WDPCP: variants seen among roughly 807,000 people sequenced by gnomAD.
WDPCP encodes the protein WD repeat-containing and planar cell polarity effector protein fritz homolog.
Under a neutral mutation model 93.1 loss-of-function variants are expected in WDPCP, and 71 were observed. The observed-to-expected ratio is 0.76, with a 90% CI of 0.63 to 0.93. The LOEUF (loss-of-function observed/expected upper bound fraction) is 0.93, where lower values mean the gene tolerates loss of function less well. Among genes scored for constraint, WDPCP ranks in the 40% least tolerant of loss-of-function variants. WDPCP has a pLI of 0.00. For synonymous variants in WDPCP, 315 were observed against 315.0 expected (o/e 1.00, Z 0.00); for missense variants, 844 against 887.4 (o/e 0.95, Z 0.62).
At chr2:63,731,267 C>CAAAAAAAAAAAAA (rs532671655) in intron 2 of WDPCP, among the ~76,000 whole-genome samples, 1 of 59,858 alleles carries the variant, frequency 1.7e-5, no homozygotes. Flanking sequence ...GAATCCGTCT[C>CAAAAAAAAAAAAA]AAAAAAAAAA....
At chr2:63,828,159 G>C (rs1194478282), upstream of WDPCP, among the ~76,000 whole-genome samples, 1 of 151,430 alleles carries the variant, frequency 6.6e-6, no homozygotes, top group African/African-American at 2.4e-5. Context: ...TTTAGGTGTG[G>C]ATTTACTTTT....
intron 14 of WDPCP, among the ~76,000 whole-genome samples, chr2:63,255,645 C>CAGAT (rs1681070552): frequency 1.3e-5 from 2 of 152,138 alleles, no homozygotes; most frequent in Non-Finnish European, 2.9e-5. Context: ...TCACCAGGTA[C>CAGAT]AGATGCCAGC....
intron 1 of WDPCP, among the ~76,000 whole-genome samples, chr2:63,502,951 T>C (rs1427722225): frequency 6.6e-6 from 1 of 152,216 alleles, no homozygotes; most frequent in Non-Finnish European, 1.5e-5. Context: ...CAGATTTCTA[T>C]GTTCCAAGAT....
intron 10 of WDPCP, among the ~76,000 whole-genome samples, chr2:63,400,497 A>G (rs1430278232): frequency 6.6e-6 from 1 of 152,238 alleles, no homozygotes; most frequent in African/African-American, 2.4e-5. Context: ...AAGGTCTAAT[A>G]TCCAGCATCT....
At chr2:63,278,353 C>G (rs898641856) in intron 13 of WDPCP, among the ~76,000 whole-genome samples, 22 of 152,046 alleles carry the variant, frequency 1.4e-4, no homozygotes, top group African/African-American at 4.3e-4. Flanking sequence ...CCTCATGGAA[C>G]TGGACAAAGA....
chr2:63,487,247 C>A (rs1700625433), intron 3 of WDPCP, among the ~76,000 whole-genome samples, 200 bp downstream of exon 3: 1 of 151,968 alleles, frequency 6.6e-6, no homozygotes, highest in Non-Finnish European at 1.5e-5. Flanking sequence ...TGTCTTTCTA[C>A]AGCATTTTCT....
chr2:63,731,193 C>T (rs762366679), intron 2 of WDPCP, among the ~76,000 whole-genome samples: 5 of 149,286 alleles, frequency 3.3e-5, no homozygotes, highest in Non-Finnish European at 5.9e-5. Flanking sequence ...CACTTGAATC[C>T]GGGAGGCGGA....
chr2:63,279,981 A>C (rs140846692), intron 13 of WDPCP, among the ~76,000 whole-genome samples: 1 of 152,244 alleles, frequency 6.6e-6, no homozygotes, highest in African/African-American at 2.4e-5. Context: ...AATAATAGAC[A>C]ACACAAATAA....
chr2:63,639,189 T>C (rs1445712124), intron 3 of WDPCP, among the ~76,000 whole-genome samples: 1 of 152,142 alleles, frequency 6.6e-6, no homozygotes, highest in Non-Finnish European at 1.5e-5. Flanking sequence ...GTGAGCCAAG[T>C]TGCACCACTG....
intron 13 of WDPCP, among the ~76,000 whole-genome samples, chr2:63,273,360 C>T (rs769282642): frequency 1.3e-5 from 2 of 151,444 alleles, no homozygotes; most frequent in African/African-American, 2.4e-5. Flanking sequence ...AATGTTACTA[C>T]TACAGAATCC....
At chr2:63,167,394 T>C (rs1056319122) in intron 15 of WDPCP, among the ~76,000 whole-genome samples, 5 of 152,286 alleles carry the variant, frequency 3.3e-5, no homozygotes, top group African/African-American at 1.2e-4. Context: ...TTTTTTTTTC[T>C]GGTAAAAGTG....
intron 3 of WDPCP, among the ~76,000 whole-genome samples, chr2:63,626,551 T>C (rs550564436): frequency 2.0e-5 from 3 of 152,342 alleles, no homozygotes; most frequent in South Asian, 4.1e-4. Flanking sequence ...AAGACATTTA[T>C]GCAGCCAATA....
chr2:63,643,851 T>A, intron 3 of WDPCP: 1 of 541,462 alleles, frequency 1.8e-6, no homozygotes, highest in Non-Finnish European at 3.7e-6. Flanking sequence ...AACCACTGCA[T>A]GCAAATCTTC....
At chr2:63,544,893 G>A (rs1296005427) in intron 1 of WDPCP, among the ~76,000 whole-genome samples, 11 of 151,990 alleles carry the variant, frequency 7.2e-5, no homozygotes, top group Admixed American at 7.2e-4. Context: ...ATTTAATAAT[G>A]TACCTGATTA....
intron 13 of WDPCP, among the ~76,000 whole-genome samples, chr2:63,294,768 A>G (rs1259055225): frequency 6.6e-6 from 1 of 152,160 alleles, no homozygotes; most frequent in Non-Finnish European, 1.5e-5. Flanking sequence ...ACTACCAGGT[A>G]TATTATAAAA....
chr2:63,557,887 T>C (rs909459943), intron 1 of WDPCP, among the ~76,000 whole-genome samples: 1 of 152,134 alleles, frequency 6.6e-6, no homozygotes, highest in Non-Finnish European at 1.5e-5. Flanking sequence ...AACCTCCTCC[T>C]GAATGACTCC....
At chr2:63,408,086 G>A (rs1318555987) in intron 9 of WDPCP, among the ~76,000 whole-genome samples, 2 of 152,184 alleles carry the variant, frequency 1.3e-5, no homozygotes, top group Non-Finnish European at 2.9e-5. Flanking sequence ...GGAGGTGGAT[G>A]GGAGGCAGAT....
intron 1 of WDPCP, among the ~76,000 whole-genome samples, chr2:63,575,405 A>G (rs1158471988): frequency 4.1e-5 from 5 of 122,032 alleles, no homozygotes; most frequent in Admixed American, 3.8e-4. Flanking sequence ...TACAGTATAT[A>G]TACAGTATAT....
intron 3 of WDPCP, among the ~76,000 whole-genome samples, chr2:63,647,682 T>C: frequency 6.6e-6 from 1 of 152,170 alleles, no homozygotes; most frequent in East Asian, 1.9e-4. Context: ...CTTTTTTTAT[T>C]TTGTCTGTAT....
Sources: allele counts gnomAD v4.1 joint callset (sites outside exome capture counted in the v4.1 genomes callset), GRCh38; gene constraint gnomAD v4.1.1; transcripts MANE v1.5; gene names NCBI Gene and HGNC (gene_info 2026-07-23, HGNC 2026-07-21).